The following SIPA1L3 variants were observed in gnomAD, a reference collection of about 807,000 sequenced individuals.
SIPA1L3 encodes the protein signal induced proliferation associated 1 like 3.
A neutral mutation model predicts 150.1 loss-of-function variants in SIPA1L3; 59 were observed. That is an observed-to-expected ratio of 0.39 (90% confidence interval 0.32 to 0.49). SIPA1L3 has a LOEUF of 0.49. Ranked by LOEUF, SIPA1L3 falls within the 20% of genes least tolerant of loss-of-function variation. The pLI, the probability that SIPA1L3 is intolerant of heterozygous loss-of-function variation, is 0.86. For missense variants in SIPA1L3, 2,211 were observed against 2,489.5 expected (o/e 0.89, Z 2.38); for synonymous variants, 1,070 against 1,077.6 (o/e 0.99, Z 0.14).
intron 18 of SIPA1L3, among the ~76,000 whole-genome samples, chr19:38,197,744 GC>G (rs1972993353): frequency 6.6e-6 from 1 of 151,830 alleles, no homozygotes; most frequent in Non-Finnish European, 1.5e-5. Flanking sequence ...CCTATTGGCT[GC>G]CCCTGAAAAG....
chr19:37,949,269 A>G (rs1032372950), intron 1 of SIPA1L3, among the ~76,000 whole-genome samples: 1 of 152,152 alleles, frequency 6.6e-6, no homozygotes, highest in Non-Finnish European at 1.5e-5. Flanking sequence ...TGGGATTTCC[A>G]GGTCGCAACC....
chr19:38,060,922 C>T (rs1439589318), intron 2 of SIPA1L3, among the ~76,000 whole-genome samples: 1 of 152,130 alleles, frequency 6.6e-6, no homozygotes, highest in Non-Finnish European at 1.5e-5. Context: ...AAACTCCTGA[C>T]CTCAGGTGAT....
rs1229626530 is a variant in SIPA1L3, at chr19:38,040,655, TC to T, written c.-311+11501del. Among the ~76,000 whole-genome samples, 3 of 152,224 alleles carry T rather than the reference TC, an allele frequency of 2.0e-5. No individual in the cohort carries two copies. In the East Asian group the frequency reaches 5.8e-4, roughly 29 times the overall value. Reference sequence around the variant, plus strand: ...ACAGTTTTCAGTGCTATATTACACATCCTTTTTTTAAAAAAAATTCAAAATT... The same window carrying T: ...ACAGTTTTCAGTGCTATATTACACATCTTTTTTTAAAAAAAATTCAAAATT... On this transcript the variant is annotated intron_variant, in intron 2 of 21. Coordinates refer to ENST00000222345, the MANE Select transcript of SIPA1L3 (RefSeq NM_015073.3).
intron 4 of SIPA1L3, among the ~76,000 whole-genome samples, chr19:38,091,996 G>C (rs1412818098): frequency 6.6e-6 from 1 of 151,514 alleles, no homozygotes; most frequent in African/African-American, 2.4e-5. Flanking sequence ...CCTGAGAGGT[G>C]GAGGTTGCAG....
In SIPA1L3 at chr19:38,134,286, A is replaced by G. The variant is rs577221124; in HGVS notation, c.3143+3514A>G. On this transcript the variant is annotated intron_variant, in intron 10 of 21. Transcript: ENST00000222345. ...GGCATGAGCCACTGCACCCAGCCCA[A>G]ATTTTTAAAAATCAGCTAGGTGTGA... is the stretch of plus-strand genomic sequence containing the variant. Among the ~76,000 whole-genome samples the G allele has an allele frequency of 4.6e-5, 7 of 151,068 alleles. No homozygotes were observed. In the East Asian group the frequency reaches 1.2e-3, roughly 26 times the overall value.
At chr19:38,000,893 G>GTT (rs1396970615) in intron 1 of SIPA1L3, among the ~76,000 whole-genome samples, 8 of 131,632 alleles carry the variant, frequency 6.1e-5, no homozygotes, top group Admixed American at 2.4e-4. Context: ...ATATATATAT[G>GTT]TTATATATAT....
intron 1 of SIPA1L3, among the ~76,000 whole-genome samples, chr19:38,013,146 G>A (rs1415482363): frequency 1.3e-5 from 2 of 152,126 alleles, no homozygotes; most frequent in East Asian, 1.9e-4. Flanking sequence ...TCTCTCTGGC[G>A]CTGCTAGCAG....
At chr19:38,135,576 A>G (rs1971418509) in intron 10 of SIPA1L3, among the ~76,000 whole-genome samples, 1 of 152,194 alleles carries the variant, frequency 6.6e-6, no homozygotes, top group African/African-American at 2.4e-5. Flanking sequence ...GGTAGGGACA[A>G]ACTGAAAGGC....
chr19:38,142,853 T>C, intron 12 of SIPA1L3, 143 bp downstream of exon 12: 1 of 1,077,638 alleles, frequency 9.3e-7, no homozygotes, highest in South Asian at 1.6e-5. Context: ...AGGAGCCCCA[T>C]GGGGTGGTTA....
At chr19:38,063,996 C>G (rs1052499778) in intron 2 of SIPA1L3, among the ~76,000 whole-genome samples, 1 of 152,226 alleles carries the variant, frequency 6.6e-6, no homozygotes, top group Non-Finnish European at 1.5e-5. Context: ...CTCTCACCTG[C>G]GCTTTCAGGC....
chr19:37,933,043 C>T (rs2046569693), intron 1 of SIPA1L3, among the ~76,000 whole-genome samples: 1 of 152,156 alleles, frequency 6.6e-6, no homozygotes, highest in Non-Finnish European at 1.5e-5. Flanking sequence ...CCTCAGTTTC[C>T]TCTTCTTGTG....
chr19:37,924,780 G>A (rs2046487747), intron 1 of SIPA1L3, among the ~76,000 whole-genome samples: 2 of 151,892 alleles, frequency 1.3e-5, no homozygotes, highest in Admixed American at 1.3e-4. Flanking sequence ...TGGGTGTGGT[G>A]GCTCACGCCT....
At chr19:37,950,920 T>C (rs1447717993) in intron 1 of SIPA1L3, among the ~76,000 whole-genome samples, 2 of 152,216 alleles carry the variant, frequency 1.3e-5, no homozygotes, top group African/African-American at 2.4e-5. Flanking sequence ...TTGGTAACAG[T>C]TGGGATTCTC....
intron 1 of SIPA1L3, among the ~76,000 whole-genome samples, chr19:37,959,902 CTT>C (rs2046842579): frequency 6.7e-6 from 1 of 148,816 alleles, no homozygotes; most frequent in South Asian, 2.1e-4. Context: ...AATATTAAAA[CTT>C]AGTTCTAGTT....
chr19:38,071,857 G>A (rs748615634), intron 2 of SIPA1L3, among the ~76,000 whole-genome samples: 17 of 152,146 alleles, frequency 1.1e-4, no homozygotes, highest in East Asian at 7.7e-4. Flanking sequence ...AGCTCATCCC[G>A]CCTGTCCCAA....
intron 18 of SIPA1L3, among the ~76,000 whole-genome samples, chr19:38,195,804 C>CCG (rs1331242823): frequency 7.8e-6 from 1 of 129,020 alleles, no homozygotes; most frequent in African/African-American, 2.9e-5. Context: ...CCCCCCCCGC[C>CCG]CCCCCGGGTT....
chr19:38,047,709 A>G lies in SIPA1L3; in HGVS notation c.-311+18553A>G, dbSNP rs1334677768. On this transcript the variant is annotated intron_variant, in intron 2 of 21. Coordinates refer to ENST00000222345, the MANE Select transcript of SIPA1L3 (RefSeq NM_015073.3). The surrounding 1 kb of genome is among the most constrained non-coding windows in gnomAD (Gnocchi z 4.7). ...TCTTTCCCTTGATGCTGACGGAGGG[A>G]TGTGACACCGCAGCCAGCCAGGTCT... Among the ~76,000 whole-genome samples, 3 of 152,056 alleles carry G rather than the reference A, an allele frequency of 2.0e-5. No homozygotes were observed. The highest frequency in any genetic ancestry group is 7.2e-5 in the African/African-American group (3 of 41,402).
At chr19:37,997,696 G>A (rs1196422077) in intron 1 of SIPA1L3, among the ~76,000 whole-genome samples, 6 of 151,246 alleles carry the variant, frequency 4.0e-5, no homozygotes, top group South Asian at 2.1e-4. Context: ...GTGAAACCCC[G>A]TCTCTACTAA....
intron 16 of SIPA1L3, among the ~76,000 whole-genome samples, chr19:38,188,916 G>A (rs1239954302): frequency 1.4e-5 from 2 of 141,986 alleles, no homozygotes; most frequent in Non-Finnish European, 3.0e-5. Flanking sequence ...GCGAGACTCC[G>A]TCTCAAAAAA....
Sources: gnomAD v4.1 joint callset for allele counts (sites outside exome capture counted in the v4.1 genomes callset) on GRCh38, gnomAD v4.1.1 for gene constraint, Gnocchi (gnomAD v3.1) non-coding constraint, MANE v1.5 for transcripts, NCBI Gene and HGNC (gene_info 2026-07-23, HGNC 2026-07-21) for gene names.